The following SDK2 variants were observed in gnomAD, a reference collection of about 807,000 sequenced individuals.
The protein encoded by SDK2 is sidekick cell adhesion molecule 2, also known as protein sidekick-2.
A neutral mutation model predicts 253.9 loss-of-function variants in SDK2; 105 were observed. The ratio of observed to expected loss-of-function variants is 0.41; its 90% CI spans 0.35 to 0.49. The LOEUF (loss-of-function observed/expected upper bound fraction) is 0.49, where lower values mean the gene tolerates loss of function less well. SDK2 is among the 20% of genes least tolerant of loss of function. SDK2 has a pLI of 0.06. For missense variants in SDK2, 2,608 were observed against 3,003.0 expected (o/e 0.87, Z 3.07); for synonymous variants, 1,249 against 1,234.9 (o/e 1.01, Z -0.24).
intron 1 of SDK2, among the ~76,000 whole-genome samples, chr17:73,596,630 C>T (rs2045762516): frequency 6.6e-6 from 1 of 152,182 alleles, no homozygotes; most frequent in African/African-American, 2.4e-5. Flanking sequence ...CAACCCCCTT[C>T]CCAGTGGTCT....
At chr17:73,364,565 AC>A (rs2062667955) in intron 38 of SDK2, among the ~76,000 whole-genome samples, 2 of 152,046 alleles carry the variant, frequency 1.3e-5, no homozygotes, top group Non-Finnish European at 2.9e-5. Context: ...AAAGCTGAGA[AC>A]CCTAAGGTTT....
At chr17:73,478,422 C>T (rs2063700629) in intron 2 of SDK2, among the ~76,000 whole-genome samples, 1 of 152,092 alleles carries the variant, frequency 6.6e-6, no homozygotes, top group Admixed American at 6.6e-5. Flanking sequence ...GGGCTTGGGG[C>T]TGGGGGCAGA....
chr17:73,525,589 G>A (rs577197538), intron 1 of SDK2, among the ~76,000 whole-genome samples: 13 of 152,130 alleles, frequency 8.5e-5, no homozygotes, highest in African/African-American at 2.7e-4. Context: ...GGGAGGCGGC[G>A]AGGTGGCTCT....
At position 73,506,027 on chromosome 17, in the gene SDK2, T is replaced by C. The variant is rs538669026; in HGVS notation, c.224+1411A>G. Among the ~76,000 whole-genome samples the C allele has an allele frequency of 1.8e-3, 274 of 152,274 alleles. 1 individual carries two copies. Among genetic ancestry groups the C allele is most frequent in the Middle Eastern group, 0.01 (3 of 294 alleles). ...TAAGGAACCAACTCTCCTCCTCCCC[T>C]CCTCCTGGATCCTGCCTCCGGCTCC... is the stretch of plus-strand genomic sequence containing the variant. On this transcript the variant is annotated intron_variant, in intron 2 of 44. Coordinates refer to ENST00000392650, the MANE Select transcript of SDK2 (RefSeq NM_001144952.2).
intron 1 of SDK2, among the ~76,000 whole-genome samples, chr17:73,610,322 AC>A (rs2045957988): frequency 6.6e-6 from 1 of 151,992 alleles, no homozygotes; most frequent in Admixed American, 6.6e-5. Flanking sequence ...CACTTAGGGC[AC>A]CCCGAAATGC....
intron 1 of SDK2, among the ~76,000 whole-genome samples, chr17:73,574,619 G>T (rs532757735): frequency 1.3e-5 from 2 of 152,220 alleles, no homozygotes; most frequent in South Asian, 4.1e-4. Flanking sequence ...AGGAGACAAG[G>T]TCCTCTGTGG....
At position 73,644,412 on chromosome 17, in the gene SDK2, CG is replaced by C. The variant is rs2143336892; in HGVS notation, c.-325del. Among the ~76,000 whole-genome samples, 1 of 152,232 alleles carries C rather than the reference CG, an allele frequency of 6.6e-6. No homozygotes were observed. Among genetic ancestry groups the C allele is most frequent in the South Asian group, 2.1e-4 (1 of 4,828 alleles). ...CTTCTCCCAAACAGGGCGGCCTCTG[CG>C]ATCCGGCCGGGTCGCCGGCCGAGCT... On this transcript the variant is annotated 5_prime_UTR_variant, in exon 1 of 45. It adds an upstream start codon to the 5' untranslated region. Transcript: ENST00000392650. This position sits in a 1 kb window ranked among gnomAD's most constrained non-coding sequence, Gnocchi z 6.3.
chr17:73,447,823 C>G lies in SDK2; in HGVS notation c.480-75G>C. ...CCTCCAGGGAGTGGGAGTGGAAACC[C>G]TAAGGGGGAAGCCCGACCATATCTC... On this transcript the variant is annotated intron_variant, in intron 4 of 44. Coordinates refer to ENST00000392650, the MANE Select transcript of SDK2 (RefSeq NM_001144952.2). This position sits in a 1 kb window ranked among gnomAD's most constrained non-coding sequence, Gnocchi z 4.0. 1 of 1,527,196 alleles carries G rather than the reference C, an allele frequency of 6.5e-7. No individual in the cohort carries two copies. Among genetic ancestry groups the G allele is most frequent in the Non-Finnish European group, 8.9e-7 (1 of 1,127,578 alleles). The allele number at this position is 1,527,196 out of a possible 1,614,324, so 94.6% of individuals were successfully genotyped here. A position where few individuals can be genotyped will look rare whatever the true frequency, so the allele number is the denominator to read the frequency against.
chr17:73,440,294 T>C (rs1164153060), intron 6 of SDK2, among the ~76,000 whole-genome samples: 1 of 151,958 alleles, frequency 6.6e-6, no homozygotes, highest in Non-Finnish European at 1.5e-5. Flanking sequence ...TCAGTAGAGA[T>C]GGAGTTTCTC....
intron 44 of SDK2, among the ~76,000 whole-genome samples, chr17:73,343,134 C>A (rs1467960445): frequency 2.0e-5 from 3 of 152,228 alleles, no homozygotes; most frequent in Non-Finnish European, 2.9e-5. Flanking sequence ...GCCCAGATCC[C>A]AAAGCCCACT....
intron 1 of SDK2, among the ~76,000 whole-genome samples, chr17:73,575,055 G>C (rs2045439787): frequency 6.6e-6 from 1 of 152,206 alleles, no homozygotes; most frequent in Non-Finnish European, 1.5e-5. Context: ...TTGAGCCCCT[G>C]TTAGTGGGAG....
intron 12 of SDK2, among the ~76,000 whole-genome samples, chr17:73,424,316 G>A (rs1279270136): frequency 2.6e-5 from 4 of 152,148 alleles, no homozygotes; most frequent in African/African-American, 9.7e-5. Context: ...GTGGGAGAGC[G>A]AACGCATTCA....
Position 73,361,641 on chromosome 17 carries a change from G to A in SDK2, c.5467+43C>T. On this transcript the variant is annotated intron_variant, in intron 39 of 44. Coordinates refer to ENST00000392650, the MANE Select transcript of SDK2 (RefSeq NM_001144952.2). This position sits in a 1 kb window ranked among gnomAD's most constrained non-coding sequence, Gnocchi z 4.1. ...GGGGCCCCTTCTGACTGGGGACGCT[G>A]AACCGCCGTGTGGAAGACATGCCTG... The A allele has an allele frequency of 6.3e-7, 1 of 1,586,642 alleles. No homozygotes were observed. The highest frequency in any genetic ancestry group is 8.6e-7 in the Non-Finnish European group (1 of 1,158,548).
chr17:73,535,355 C>T (rs150992646), intron 1 of SDK2, among the ~76,000 whole-genome samples: 6 of 152,208 alleles, frequency 3.9e-5, no homozygotes, highest in African/African-American at 1.4e-4. Flanking sequence ...CACCCTCCCT[C>T]CTGGTGTCGC....
At chr17:73,378,696 A>AGG (rs1196891760) in intron 36 of SDK2, among the ~76,000 whole-genome samples, 7 of 152,198 alleles carry the variant, frequency 4.6e-5, no homozygotes, top group African/African-American at 1.7e-4. Flanking sequence ...CTGGGATTAA[A>AGG]GGTGTGAGCC....
chr17:73,495,616 C>T (rs1318517416), intron 2 of SDK2, among the ~76,000 whole-genome samples: 5 of 129,204 alleles, frequency 3.9e-5, no homozygotes, highest in Admixed American at 3.7e-4. Context: ...TGGAGGCCTG[C>T]CCCGTGTGTG....
At chr17:73,351,413 TTTC>T (rs1481213577) in intron 41 of SDK2, among the ~76,000 whole-genome samples, 2 of 152,000 alleles carry the variant, frequency 1.3e-5, no homozygotes, top group African/African-American at 4.8e-5. Context: ...CCCGGCCCCT[TTTC>T]TTTTTTTCTT....
At chr17:73,449,719 G>A (rs1490812881) in intron 4 of SDK2, among the ~76,000 whole-genome samples, 1 of 150,600 alleles carries the variant, frequency 6.6e-6, no homozygotes, top group Admixed American at 6.7e-5. Flanking sequence ...TCGGGGGTTC[G>A]AGACCATACT....
Position 73,610,806 on chromosome 17 carries a change from A to C in SDK2, c.64+33219T>G, listed in dbSNP as rs1311689007. Among the ~76,000 whole-genome samples, 3 of 152,206 alleles carry C rather than the reference A, an allele frequency of 2.0e-5. No individual in the cohort carries two copies. In the East Asian group the frequency reaches 5.8e-4, roughly 29 times the overall value. On this transcript the variant is annotated intron_variant, in intron 1 of 44. Transcript: ENST00000392650. ...ATATATCTATGCATTTGGTATGTGTACAAGTGGAGGAGTGTATGTGTGGTG... is the reference window on the plus strand; with the variant it reads ...ATATATCTATGCATTTGGTATGTGTCCAAGTGGAGGAGTGTATGTGTGGTG...
Sources: gnomAD v4.1 joint callset for allele counts (sites outside exome capture counted in the v4.1 genomes callset) on GRCh38, gnomAD v4.1.1 for gene constraint, Gnocchi (gnomAD v3.1) non-coding constraint, MANE v1.5 for transcripts, NCBI Gene and HGNC (gene_info 2026-07-23, HGNC 2026-07-21) for gene names.